CPSF4: variants seen among roughly 807,000 people sequenced by gnomAD.
CPSF4 encodes cleavage and polyadenylation specificity factor subunit 4.
A neutral mutation model predicts 37.7 loss-of-function variants in CPSF4; 11 were observed. The observed-to-expected ratio is 0.29, with a 90% CI of 0.18 to 0.48. The LOEUF (loss-of-function observed/expected upper bound fraction) is 0.48, where lower values mean the gene tolerates loss of function less well. CPSF4 is among the 20% of genes least tolerant of loss of function. CPSF4 has a pLI of 0.99. For missense variants in CPSF4, 144 were observed against 359.5 expected, an observed-to-expected ratio of 0.40 and a Z score of 4.85; for synonymous variants, 132 against 135.9, an observed-to-expected ratio of 0.97 and a Z score of 0.20.
Position 99,444,827 on chromosome 7 carries a change from G to A in CPSF4, c.142G>A (p.Ala48Thr), listed in dbSNP as rs759386832. ...TGTCTGTGAATTCTTTTTGAAAGCT[G>A]CCTGCGGCAAAGGTAAGAAACTCCG... ...AAVCEFFLKA[A>T]CGKGGMCPFR... The change falls in exon 2 of 8, where the codon GCC (alanine) becomes ACC (threonine). Residue 48 changes from alanine (A) to threonine (T), a missense_variant. By Grantham distance (58) the Ala-to-Thr change is moderately conservative. Transcript: ENST00000292476. The A allele has an allele frequency of 6.2e-7, 1 of 1,613,616 alleles. No individual in the cohort carries two copies. Among genetic ancestry groups the A allele is most frequent in the Non-Finnish European group, 8.5e-7 (1 of 1,179,802 alleles).
At position 99,448,869 on chromosome 7, in the gene CPSF4, T is replaced by G. The variant is rs1209697049; in HGVS notation, c.307+596T>G. On this transcript the variant is annotated intron_variant, in intron 3 of 7. Coordinates refer to ENST00000292476, the MANE Select transcript of CPSF4 (RefSeq NM_006693.4). The surrounding 1 kb of genome is among the most constrained non-coding windows in gnomAD (Gnocchi z 4.4). Reference sequence around the variant, plus strand: ...TAAATAGCCCTTCAAAATAACAGCCTCAGATGTGTCTTCTGGTAGCAACAA... The same window carrying G: ...TAAATAGCCCTTCAAAATAACAGCCGCAGATGTGTCTTCTGGTAGCAACAA... 1 of 152,616 alleles carries G rather than the reference T, an allele frequency of 6.6e-6. No individual in the cohort carries two copies. The highest frequency in any genetic ancestry group is 1.5e-5 in the Non-Finnish European group (1 of 68,352). The allele number at this position is 152,616 out of a possible 1,614,324, so 9.5% of individuals were successfully genotyped here. A position where few individuals can be genotyped will look rare whatever the true frequency, so the allele number is the denominator to read the frequency against.
At chr7:99,449,573 G>A (rs1797794369) in intron 3 of CPSF4, among the ~76,000 whole-genome samples, 1 of 152,270 alleles carries the variant, frequency 6.6e-6, no homozygotes, top group Non-Finnish European at 1.5e-5. Flanking sequence ...CAGACATTGG[G>A]TTGAGGGCCC....
Position 99,456,690 on chromosome 7 carries a change from T to C in CPSF4, c.*190T>C. The C allele has an allele frequency of 1.5e-6, 1 of 674,902 alleles. No individual in the cohort carries two copies. Among genetic ancestry groups the C allele is most frequent in the Non-Finnish European group, 2.7e-6 (1 of 368,336 alleles). The allele number at this position is 674,902 out of a possible 1,614,324, so 41.8% of individuals were successfully genotyped here. A position where few individuals can be genotyped will look rare whatever the true frequency, so the allele number is the denominator to read the frequency against. On this transcript the variant is annotated 3_prime_UTR_variant, in exon 8 of 8. Transcript: ENST00000292476. ...CTTAGTATTTTTTGAAAAAGGGACATGTGTCCTGTGGGTCCCTGCAGTCGA... is the reference window on the plus strand; with the variant it reads ...CTTAGTATTTTTTGAAAAAGGGACACGTGTCCTGTGGGTCCCTGCAGTCGA...
intron 7 of CPSF4, among the ~76,000 whole-genome samples, chr7:99,455,386 C>G (rs895730044): frequency 7.9e-5 from 12 of 152,130 alleles, no homozygotes; most frequent in African/African-American, 2.4e-4. Flanking sequence ...AGAGTCACAC[C>G]TGCAGATCAG....
At chr7:99,449,494 G>C (rs1001183304) in intron 3 of CPSF4, among the ~76,000 whole-genome samples, 5 of 152,220 alleles carry the variant, frequency 3.3e-5, no homozygotes, top group African/African-American at 1.2e-4. Context: ...AGTGGCCTGA[G>C]GGTCGCTCCT....
rs1007763983 is a variant in CPSF4, at chr7:99,448,602, G to A, written c.307+329G>A. The A allele has an allele frequency of 3.0e-5, 7 of 231,292 alleles. No homozygotes were observed. Among genetic ancestry groups the A allele is most frequent in the African/African-American group, 7.0e-5 (3 of 42,952 alleles). 14.3% of individuals were successfully genotyped at this position (231,292 alleles called of 1,614,324 possible). On this transcript the variant is annotated intron_variant, in intron 3 of 7. Transcript: ENST00000292476. The surrounding 1 kb of genome is among the most constrained non-coding windows in gnomAD (Gnocchi z 4.4). ...GGCGTGAGCCACCACGCCTGGCCCC[G>A]CGCATCACTTTGGAGTGCTTCAGTG...
At chr7:99,455,872 G>T (rs556937239) in intron 7 of CPSF4, among the ~76,000 whole-genome samples, 8 of 152,238 alleles carry the variant, frequency 5.3e-5, no homozygotes, top group Admixed American at 5.2e-4. Flanking sequence ...GTGTGTCACA[G>T]CCACGAGGGA....
In CPSF4 at chr7:99,456,628, C is replaced by G; in HGVS notation, c.*128C>G. 1.3e-6 allele frequency: 1 copy of G among 760,548 alleles called. No homozygotes were observed. The highest frequency in any genetic ancestry group is 2.0e-5 in the Admixed American group (1 of 50,338). The allele number at this position is 760,548 out of a possible 1,614,324, so 47.1% of individuals were successfully genotyped here. A position where few individuals can be genotyped will look rare whatever the true frequency, so the allele number is the denominator to read the frequency against. ...CCGCAGACACGTGGGTTTCATCACT[C>G]TGAGGGGCCACGTCTGTTAGTTTCC... On this transcript the variant is annotated 3_prime_UTR_variant, in exon 8 of 8. Coordinates refer to ENST00000292476, the MANE Select transcript of CPSF4 (RefSeq NM_006693.4).
chr7:99,442,057 CA>C (rs934407967), intron 1 of CPSF4, among the ~76,000 whole-genome samples: 52 of 152,218 alleles, frequency 3.4e-4, no homozygotes, highest in African/African-American at 1.2e-3. Flanking sequence ...TCTATAACCT[CA>C]GCTGTGTCCT....
In CPSF4 at chr7:99,439,251, C is replaced by T; in HGVS notation, c.103+66C>T. Reference sequence around the variant, plus strand: ...ACCCGGGACCCGCTCCTCTGTGATCCCGGGACTCCCTCGCCTCGGTCCTGA... The same window carrying T: ...ACCCGGGACCCGCTCCTCTGTGATCTCGGGACTCCCTCGCCTCGGTCCTGA... On this transcript the variant is annotated intron_variant, in intron 1 of 7. Transcript: ENST00000292476. The T allele has an allele frequency of 4.1e-6, 5 of 1,217,920 alleles. No individual in the cohort carries two copies. In the South Asian group the frequency reaches 6.8e-5, roughly 17 times the overall value. 75.4% of individuals were successfully genotyped at this position (1,217,920 alleles called of 1,614,324 possible).
Position 99,448,457 on chromosome 7 carries a change from C to A in CPSF4, c.307+184C>A. The A allele has an allele frequency of 7.2e-5, 32 of 445,680 alleles. No homozygotes were observed. The highest frequency in any genetic ancestry group is 9.5e-5 in the Non-Finnish European group (24 of 253,930). The allele number at this position is 445,680 out of a possible 1,614,324, so 27.6% of individuals were successfully genotyped here. ...GACAGTGTGGCTATTTTCTGCTCAT[C>A]TCTTTTTTTTTTTTTTTTTTTTTAA... is the stretch of plus-strand genomic sequence containing the variant. On this transcript the variant is annotated intron_variant, in intron 3 of 7. Coordinates refer to ENST00000292476, the MANE Select transcript of CPSF4 (RefSeq NM_006693.4). The surrounding 1 kb of genome is among the most constrained non-coding windows in gnomAD (Gnocchi z 4.4).
intron 1 of CPSF4, among the ~76,000 whole-genome samples, chr7:99,444,212 T>G (rs1797282549): frequency 1.3e-5 from 2 of 152,136 alleles, no homozygotes; most frequent in African/African-American, 4.8e-5. Flanking sequence ...ATCCCAGCAC[T>G]TTGGGAGGCC....
In CPSF4 at chr7:99,443,495, A is replaced by T. The variant is rs551996140; in HGVS notation, c.104-1294A>T. The T allele has an allele frequency of 7.5e-6, 6 of 799,300 alleles. No homozygotes were observed. In the South Asian group the frequency reaches 8.1e-5, roughly 11 times the overall value. The allele number at this position is 799,300 out of a possible 1,614,324, so 49.5% of individuals were successfully genotyped here. ...ATGGAGCTCCACCATCTCAGTTACC[A>T]TCTTGTTACCCCTCCGGGTGTGCTC... On this transcript the variant is annotated intron_variant, in intron 1 of 7. Coordinates refer to ENST00000292476, the MANE Select transcript of CPSF4 (RefSeq NM_006693.4).
chr7:99,444,430 C>T (rs1797303868), intron 1 of CPSF4, among the ~76,000 whole-genome samples: 1 of 152,004 alleles, frequency 6.6e-6, no homozygotes, highest in African/African-American at 2.4e-5. Context: ...GCACTCCAGC[C>T]CAGGCAACTA....
intron 2 of CPSF4, among the ~76,000 whole-genome samples, chr7:99,445,263 C>T (rs1448067531): frequency 1.3e-5 from 2 of 152,132 alleles, no homozygotes; most frequent in Non-Finnish European, 2.9e-5. Context: ...ACCCATCTTG[C>T]GGGGTCTTGT....
intron 1 of CPSF4, among the ~76,000 whole-genome samples, chr7:99,442,338 T>C (rs1394787067): frequency 2.0e-5 from 3 of 152,086 alleles, no homozygotes; most frequent in Non-Finnish European, 2.9e-5. Flanking sequence ...GCTTTTTTTT[T>C]CTTTTCTTTT....
chr7:99,439,954 C>T (rs1211102228), intron 1 of CPSF4, among the ~76,000 whole-genome samples: 2 of 152,150 alleles, frequency 1.3e-5, no homozygotes, highest in African/African-American at 4.8e-5. Context: ...GCCTGAACTC[C>T]CTTCACTGCT....
At chr7:99,456,393 G>T in intron 7 of CPSF4, 39 bp from the exon 8 acceptor site, 1 of 1,593,966 alleles carries the variant, frequency 6.3e-7, no homozygotes, top group Non-Finnish European at 8.6e-7. Context: ...CAGTGTTGTT[G>T]TCTGTCTCTC....
At position 99,450,729 on chromosome 7, in the gene CPSF4, G is replaced by A; in HGVS notation, c.431G>A (p.Arg144Gln). The stretch of plus-strand genomic sequence containing the variant: ...CCCCTCTGCAGGCACCGGCACACAC[G>A]GAGAGTCATCTGTGTGAATTACCTC... ...HGPLCRHRHTRRVICVNYLVG... is the reference protein window; with the variant it reads ...HGPLCRHRHTQRVICVNYLVG... Residue 144 changes from arginine to glutamine, a missense_variant, in exon 5 of 8, where the codon CGG becomes CAG. This residue lies in a region of CPSF4 where 86 missense variants were observed against 141.5 expected (regional missense o/e 0.61). Coordinates refer to ENST00000292476, the MANE Select transcript of CPSF4 (RefSeq NM_006693.4). 6.2e-7 allele frequency: 1 copy of A among 1,614,102 alleles called. No homozygotes were observed. Among genetic ancestry groups the A allele is most frequent in the Non-Finnish European group, 8.5e-7 (1 of 1,179,948 alleles).
Sources: allele counts gnomAD v4.1 joint callset (sites outside exome capture counted in the v4.1 genomes callset), GRCh38; gene constraint gnomAD v4.1.1; regional missense constraint gnomAD v4.1.1; non-coding constraint Gnocchi (gnomAD v3.1); transcripts MANE v1.5; gene names NCBI Gene and HGNC (gene_info 2026-07-23, HGNC 2026-07-21).